The following AATF variants were observed in gnomAD, a reference collection of about 807,000 sequenced individuals.
AATF encodes the protein protein AATF.
Under a neutral mutation model 63.7 loss-of-function variants are expected in AATF, and 48 were observed. The ratio of observed to expected loss-of-function variants is 0.75; its 90% CI spans 0.60 to 0.96. AATF has a LOEUF of 0.96. Among genes scored for constraint, AATF ranks in the 40% least tolerant of loss-of-function variants. The pLI, the probability that AATF is intolerant of heterozygous loss-of-function variation, is 0.00. For synonymous variants in AATF, 258 were observed against 247.7 expected (o/e 1.04, Z -0.39); for missense variants, 639 against 685.7 (o/e 0.93, Z 0.76).
chr17:36,966,299 G>T (rs2070990773), intron 4 of AATF, among the ~76,000 whole-genome samples: 1 of 151,984 alleles, frequency 6.6e-6, no homozygotes, highest in Non-Finnish European at 1.5e-5. Flanking sequence ...GGGTCTTGCT[G>T]TGTTGCCCAG....
At chr17:36,950,671 G>C (rs576683865) in intron 2 of AATF, among the ~76,000 whole-genome samples, 1 of 152,252 alleles carries the variant, frequency 6.6e-6, no homozygotes, top group Non-Finnish European at 1.5e-5. Flanking sequence ...GGCTAATTTT[G>C]TATTTTTAGT....
chr17:36,953,055 C>G lies in AATF; in HGVS notation c.453C>G (p.Val151=), dbSNP rs766372850. The G allele has an allele frequency of 1.2e-6, 2 of 1,614,016 alleles. No homozygotes were observed. Among genetic ancestry groups the G allele is most frequent in the East Asian group, 2.2e-5 (1 of 44,878 alleles). Residue 151 remains valine (V), a synonymous_variant, in exon 3 of 12, where the codon GTC becomes GTG. Coordinates refer to ENST00000619387, the MANE Select transcript of AATF (RefSeq NM_012138.4). ...CTGCAAAAACACCGGGCTTCAGTGT[C>G]CAGAGTATCAGTGACTTTGAGAAAT... The part of the protein sequence containing the change: ...SHSAKTPGFS[V]QSISDFEKFT...
At chr17:37,007,662 G>GCGT (rs2071352575) in intron 8 of AATF, among the ~76,000 whole-genome samples, 1 of 152,136 alleles carries the variant, frequency 6.6e-6, no homozygotes, top group African/African-American at 2.4e-5. Context: ...CGCTTGGTGA[G>GCGT]TGTGTATCGA....
rs369010292 is a variant in AATF, at chr17:37,031,605, T to C, written c.1548-9T>C. The C allele has an allele frequency of 1.2e-4, 194 of 1,613,334 alleles. No individual in the cohort carries two copies. Among genetic ancestry groups the C allele is most frequent in the Non-Finnish European group, 1.6e-4 (183 of 1,179,346 alleles). Reference sequence around the variant, plus strand: ...AATGTTGCTGCCTGTTGCTTCCTGCTTTATTTAGGTTTCATGTCCTTAGCA... The same window carrying C: ...AATGTTGCTGCCTGTTGCTTCCTGCCTTATTTAGGTTTCATGTCCTTAGCA... On this transcript the variant is annotated splice_polypyrimidine_tract_variant and intron_variant, in intron 10 of 11. Coordinates refer to ENST00000619387, the MANE Select transcript of AATF (RefSeq NM_012138.4).
At chr17:36,992,522 C>T (rs981680874) in intron 8 of AATF, among the ~76,000 whole-genome samples, 6 of 151,482 alleles carry the variant, frequency 4.0e-5, no homozygotes, top group Middle Eastern at 3.4e-3. Flanking sequence ...GTACATTGTT[C>T]GATGAAAAGT....
chr17:37,025,923 C>T (rs1233151693), intron 10 of AATF, among the ~76,000 whole-genome samples: 1 of 152,138 alleles, frequency 6.6e-6, no homozygotes, highest in Non-Finnish European at 1.5e-5. Context: ...AGATATTTGT[C>T]CATTACAAAG....
At chr17:36,971,937 T>A (rs1191585627) in intron 4 of AATF, among the ~76,000 whole-genome samples, 1 of 152,178 alleles carries the variant, frequency 6.6e-6, no homozygotes, top group Non-Finnish European at 1.5e-5. Context: ...TCTTCTTTGT[T>A]TTCTATGAGT....
intron 4 of AATF, among the ~76,000 whole-genome samples, chr17:36,956,010 C>T (rs1022231153): frequency 4.6e-5 from 7 of 152,152 alleles, no homozygotes; most frequent in South Asian, 2.1e-4. Flanking sequence ...ATGATCCTTC[C>T]GTGTCAGCCT....
chr17:36,981,589 G>A (rs1489677589), intron 4 of AATF, among the ~76,000 whole-genome samples: 2 of 151,368 alleles, frequency 1.3e-5, no homozygotes, highest in Non-Finnish European at 2.9e-5. Flanking sequence ...GACTATAGGC[G>A]TGTGCCACCA....
At chr17:37,004,933 C>T (rs976682139) in intron 8 of AATF, among the ~76,000 whole-genome samples, 4 of 152,194 alleles carry the variant, frequency 2.6e-5, no homozygotes, top group Non-Finnish European at 4.4e-5. Flanking sequence ...GTTTTGCCAC[C>T]GAAGTACAGG....
chr17:37,040,681 T>TCCCCCC (rs1555654506), intron 11 of AATF, among the ~76,000 whole-genome samples: 6 of 143,558 alleles, frequency 4.2e-5, no homozygotes, highest in Non-Finnish European at 7.5e-5. Context: ...AAGGCCCCCA[T>TCCCCCC]CCCCACCCCT....
intron 4 of AATF, among the ~76,000 whole-genome samples, chr17:36,968,526 T>A (rs913575966): frequency 5.9e-5 from 9 of 152,028 alleles, no homozygotes; most frequent in Non-Finnish European, 1.0e-4. Context: ...TCTACCTGCC[T>A]TGACTTCTCA....
At chr17:36,994,038 T>C (rs1315317907) in intron 8 of AATF, among the ~76,000 whole-genome samples, 2 of 152,204 alleles carry the variant, frequency 1.3e-5, no homozygotes, top group Non-Finnish European at 2.9e-5. Flanking sequence ...TACATACATA[T>C]GTATGTGTGT....
chr17:37,055,589 T>C (rs2142335267), intron 11 of AATF: 1 of 152,334 alleles, frequency 6.6e-6, no homozygotes, highest in East Asian at 1.9e-4. Context: ...CTTGAGAATA[T>C]CCGAGCAGGT....
chr17:36,967,751 A>G (rs1008572903), intron 4 of AATF, among the ~76,000 whole-genome samples: 1 of 151,898 alleles, frequency 6.6e-6, no homozygotes, highest in Non-Finnish European at 1.5e-5. Context: ...CCTTTATTCT[A>G]TCATCACAAT....
chr17:36,996,912 G>T (rs1294516247), intron 8 of AATF, among the ~76,000 whole-genome samples: 1 of 152,160 alleles, frequency 6.6e-6, no homozygotes, highest in Non-Finnish European at 1.5e-5. Flanking sequence ...TTTAAACAAA[G>T]GTAAAACCTC....
At chr17:36,954,379 G>T (rs1047613444) in intron 4 of AATF, among the ~76,000 whole-genome samples, 1 of 152,150 alleles carries the variant, frequency 6.6e-6, no homozygotes, top group Non-Finnish European at 1.5e-5. Flanking sequence ...ACTGAGCCTG[G>T]CCCTGAGTTA....
intron 4 of AATF, among the ~76,000 whole-genome samples, chr17:36,960,877 G>C (rs1322659480): frequency 6.6e-6 from 1 of 152,124 alleles, no homozygotes; most frequent in Non-Finnish European, 1.5e-5. Context: ...TTTTAAAATA[G>C]CTTCAGTGTT....
At chr17:37,043,813 C>G (rs1375855581) in intron 11 of AATF, among the ~76,000 whole-genome samples, 1 of 152,138 alleles carries the variant, frequency 6.6e-6, no homozygotes, top group African/African-American at 2.4e-5. Context: ...GCCATGGTTT[C>G]TTTCTTTTAC....
Sources: gnomAD v4.1 joint callset for allele counts (sites outside exome capture counted in the v4.1 genomes callset) on GRCh38, gnomAD v4.1.1 for gene constraint, MANE v1.5 for transcripts, NCBI Gene and HGNC (gene_info 2026-07-23, HGNC 2026-07-21) for gene names.